The following POLR2F variants were observed in gnomAD, a reference collection of about 807,000 sequenced individuals.
POLR2F encodes RNA polymerase II, I and III subunit F.
In POLR2F, 12 loss-of-function variants were observed where a neutral mutation model predicts 22.7. The observed-to-expected ratio is 0.53, with a 90% CI of 0.34 to 0.86. POLR2F has a LOEUF of 0.86. Ranked by LOEUF, POLR2F falls within the 40% of genes least tolerant of loss-of-function variation. POLR2F has a pLI of 0.02. For missense variants in POLR2F, 126 were observed against 171.5 expected, an observed-to-expected ratio of 0.73 and a Z score of 1.48; for synonymous variants, 57 against 66.0, an observed-to-expected ratio of 0.86 and a Z score of 0.66.
intron 1 of POLR2F, among the ~76,000 whole-genome samples, chr22:37,993,984 G>T (rs771483610): frequency 6.6e-6 from 1 of 152,174 alleles, no homozygotes. Flanking sequence ...GCAAGACTCC[G>T]TCTCAAAAGA....
At position 38,016,416 on chromosome 22, in the gene POLR2F, C is replaced by T. The variant is rs141110859; in HGVS notation, c.121-9453C>T. Reference sequence around the variant, plus strand: ...GCTGCGCTTGACACACGCCCCCATCCGCCACCTCCCAGAGAAGGGACCATT... The same window carrying T: ...GCTGCGCTTGACACACGCCCCCATCTGCCACCTCCCAGAGAAGGGACCATT... On this transcript the variant is annotated intron_variant, in intron 1 of 2. Transcript: ENST00000333418. This position sits in a 1 kb window ranked among gnomAD's most constrained non-coding sequence, Gnocchi z 4.4. Among the ~76,000 whole-genome samples the T allele has an allele frequency of 9.7e-3, 1,481 of 152,340 alleles. 41 individuals carry two copies. The highest frequency in any genetic ancestry group is 0.055 in the Admixed American group (846 of 15,304).
chr22:37,962,160 G>C (rs1026535169), intron 3 of POLR2F, among the ~76,000 whole-genome samples: 1 of 152,128 alleles, frequency 6.6e-6, no homozygotes, highest in African/African-American at 2.4e-5. Flanking sequence ...AAGGCCAGGA[G>C]GTTGAGGCTG....
chr22:37,959,835 G>A (rs949187281), intron 3 of POLR2F, among the ~76,000 whole-genome samples: 9 of 143,962 alleles, frequency 6.3e-5, no homozygotes, highest in East Asian at 2.0e-4. Flanking sequence ...ATAGAGTCTC[G>A]CTGAGTCACC....
At chr22:37,971,314 A>G (rs1932044146), downstream of POLR2F, 2 of 470,884 alleles carry the variant, frequency 4.2e-6, no homozygotes, top group African/African-American at 4.0e-5. Flanking sequence ...AAATTGAGAT[A>G]ACGATCGGAC....
upstream of POLR2F, chr22:37,953,681 ACGG>A: frequency 7.3e-7 from 1 of 1,376,714 alleles, no homozygotes; most frequent in Non-Finnish European, 9.9e-7. Flanking sequence ...CCTCTGGGTT[ACGG>A]CGCAGGCGCA....
chr22:37,990,864 C>G (rs935882895), intron 1 of POLR2F, among the ~76,000 whole-genome samples: 1 of 152,234 alleles, frequency 6.6e-6, no homozygotes, highest in Non-Finnish European at 1.5e-5. Flanking sequence ...ACAAGAGGCC[C>G]GTGCCTGATC....
At chr22:38,012,228 C>T (rs1476170872) in intron 1 of POLR2F, among the ~76,000 whole-genome samples, 1 of 151,882 alleles carries the variant, frequency 6.6e-6, no homozygotes, top group Non-Finnish European at 1.5e-5. Flanking sequence ...ATTACAGATA[C>T]CCACCACCAT....
Position 37,968,839 on chromosome 22 carries a change from G to A in POLR2F, c.*1124G>A. 1.0e-6 allele frequency: 1 copy of A among 985,590 alleles called. No individual in the cohort carries two copies. Among genetic ancestry groups the A allele is most frequent in the South Asian group, 4.7e-5 (1 of 21,280 alleles). 61.1% of individuals were successfully genotyped at this position (985,590 alleles called of 1,614,324 possible). A position where few individuals can be genotyped will look rare whatever the true frequency, so the allele number is the denominator to read the frequency against. On this transcript the variant is annotated 3_prime_UTR_variant, in exon 5 of 5. Coordinates refer to ENST00000442738, the MANE Select transcript of POLR2F (RefSeq NM_021974.5). The stretch of plus-strand genomic sequence containing the variant: ...GCCTGGCCCTGGGATGGGATGTGGG[G>A]AGTGAATGGTGAGGATCTGCATTGG...
chr22:38,038,792 C>G lies in POLR2F; in HGVS notation c.453-2276C>G, dbSNP rs529079501. On this transcript the variant is annotated intron_variant, in intron 5 of 5. Transcript: ENST00000407936. ...CACCCACCCAAACTCCCTCCTCCCC[C>G]CGCCGGCGCCCGCACCCCGGGGCTG... 3.0e-4 allele frequency among the ~76,000 whole-genome samples: 46 copies of G among 151,884 alleles called. 1 individual carries two copies. The South Asian group carries it at 5.0e-3, about 16-fold the overall frequency.
Position 37,986,627 on chromosome 22 carries a change from G to T in POLR2F, c.120+315G>T, listed in dbSNP as rs532077118. 6.1e-6 allele frequency: 4 copies of T among 652,730 alleles called. No individual in the cohort carries two copies. The East Asian group carries it at 9.4e-5, about 15-fold the overall frequency. The allele number at this position is 652,730 out of a possible 1,614,324, so 40.4% of individuals were successfully genotyped here. ...CTCCCTCTCTCTCTCCCTTGTCCCC[G>T]CACAGACACTGCCTTCCTCTCAGGG... On this transcript the variant is annotated intron_variant, in intron 1 of 2. Transcript: ENST00000333418. This position sits in a 1 kb window ranked among gnomAD's most constrained non-coding sequence, Gnocchi z 4.7.
upstream of POLR2F, among the ~76,000 whole-genome samples, chr22:37,982,426 T>A (rs958093788): frequency 1.3e-5 from 2 of 152,086 alleles, no homozygotes; most frequent in Non-Finnish European, 2.9e-5. Context: ...GTTCCACACA[T>A]CCCCAGGAGG....
At chr22:38,035,880 G>T (rs1160513256) in intron 5 of POLR2F, among the ~76,000 whole-genome samples, 2 of 152,104 alleles carry the variant, frequency 1.3e-5, no homozygotes, top group Non-Finnish European at 2.9e-5. Context: ...AACCCACAAA[G>T]CTCCAGGGTG....
intron 1 of POLR2F, among the ~76,000 whole-genome samples, chr22:38,014,464 C>T (rs1195568748): frequency 1.3e-5 from 2 of 151,148 alleles, no homozygotes; most frequent in African/African-American, 2.4e-5. Context: ...GATTATCCTG[C>T]CTCAGTCTCC....
At position 37,967,108 on chromosome 22, in the gene POLR2F, C is replaced by T. The variant is rs544641446; in HGVS notation, c.231C>T (p.Ala77=). The part of the protein sequence containing the change: ...GTRALQIAMC[A]PVMVELEGET... ...GTCCCTATCCCTACAGGATGTGTGC[C>T]CCTGTGATGGTGGAGCTGGAGGGGG... Residue 77 remains alanine (A), a synonymous_variant, in exon 4 of 5, where the codon GCC becomes GCT. Transcript: ENST00000442738. 1 of 1,612,158 alleles carries T rather than the reference C, an allele frequency of 6.2e-7. No individual in the cohort carries two copies. The highest frequency in any genetic ancestry group is 1.1e-5 in the South Asian group (1 of 90,988).
intron 1 of POLR2F, chr22:37,987,985 C>T (rs1485021907): frequency 6.6e-6 from 1 of 152,220 alleles, no homozygotes; most frequent in Non-Finnish European, 1.5e-5. Flanking sequence ...AGGACTGGCT[C>T]TAATTCTTGT....
Position 37,986,768 on chromosome 22 carries a change from A to T in POLR2F, c.120+456A>T, listed in dbSNP as rs1359619093. 5 of 468,416 alleles carry T rather than the reference A, an allele frequency of 1.1e-5. No individual in the cohort carries two copies. The East Asian group carries it at 3.4e-4, about 31-fold the overall frequency. 29.0% of individuals were successfully genotyped at this position (468,416 alleles called of 1,614,324 possible). A position where few individuals can be genotyped will look rare whatever the true frequency, so the allele number is the denominator to read the frequency against. On this transcript the variant is annotated intron_variant, in intron 1 of 2. Coordinates refer to the POLR2F transcript ENST00000333418. This position sits in a 1 kb window ranked among gnomAD's most constrained non-coding sequence, Gnocchi z 4.7. ...GTGTGTGGTTGGGGCCCCTGCTGCG[A>T]ACACATCCCTGCCCACCATGCTGGC...
In POLR2F at chr22:38,025,652, A is replaced by T. The variant is rs370242193; in HGVS notation, c.121-217A>T. The stretch of plus-strand genomic sequence containing the variant: ...GGCCCACAGCCTAGGCTCTTTCAGC[A>T]TCTCCTCCCGCTGACTTCTCCCGAC... On this transcript the variant is annotated intron_variant, in intron 1 of 2. Coordinates refer to the POLR2F transcript ENST00000333418. 7.7e-6 allele frequency: 12 copies of T among 1,564,400 alleles called. No homozygotes were observed. The African/African-American group carries it at 1.5e-4, about 20-fold the overall frequency.
intron 5 of POLR2F, among the ~76,000 whole-genome samples, chr22:38,039,466 C>A (rs62235121): frequency 0.025 from 3,818 of 152,252 alleles, 79 homozygotes; most frequent in Non-Finnish European, 0.041. Context: ...CAGGACTGGG[C>A]GCTCATCCAG....
rs777780195 is a variant in POLR2F, at chr22:38,003,726, G to A, written c.120+17414G>A. Among the ~76,000 whole-genome samples the A allele has an allele frequency of 5.3e-5, 8 of 151,846 alleles. No individual in the cohort carries two copies. The East Asian group carries it at 5.8e-4, about 11-fold the overall frequency. On this transcript the variant is annotated intron_variant, in intron 1 of 2. Transcript: ENST00000333418. ...CAAGTAGCTGGGATTACTGGTGCGC[G>A]CCACCATGCCCAGCTAATTTTTGTA...
Sources: allele counts gnomAD v4.1 joint callset (sites outside exome capture counted in the v4.1 genomes callset), GRCh38; gene constraint gnomAD v4.1.1; non-coding constraint Gnocchi (gnomAD v3.1); transcripts MANE v1.5; gene names NCBI Gene and HGNC (gene_info 2026-07-23, HGNC 2026-07-21).